Variants in KALRN observed in about 807,000 individuals in gnomAD.
KALRN encodes the protein kalirin RhoGEF kinase, also known as kalirin.
A neutral mutation model predicts 353.7 loss-of-function variants in KALRN; 70 were observed. The ratio of observed to expected loss-of-function variants is 0.20; its 90% CI spans 0.16 to 0.24. The LOEUF is 0.24. Ranked by LOEUF, KALRN falls within the 10% of genes least tolerant of loss-of-function variation. The pLI, the probability that KALRN is intolerant of heterozygous loss-of-function variation, is 1.00. For missense variants in KALRN, 2,791 were observed against 3,756.7 expected, an observed-to-expected ratio of 0.74 and a Z score of 6.72; for synonymous variants, 1,391 against 1,434.8, an observed-to-expected ratio of 0.97 and a Z score of 0.69.
chr3:124,292,874 A>T (rs760460038), intron 5 of KALRN, among the ~76,000 whole-genome samples: 6 of 152,126 alleles, frequency 3.9e-5, no homozygotes, highest in Non-Finnish European at 8.8e-5. Flanking sequence ...TTTTATTTGA[A>T]TCTCCCTGAT....
chr3:124,395,078 C>G (rs2089981299), intron 11 of KALRN, 57 bp from the exon 12 acceptor site: 2 of 1,437,166 alleles, frequency 1.4e-6, no homozygotes, highest in African/African-American at 1.4e-5. Context: ...CTTGCCCTCA[C>G]CCCAGCCCTG....
At chr3:124,104,772 G>C (rs568655813) in intron 1 of KALRN, among the ~76,000 whole-genome samples, 11 of 152,166 alleles carry the variant, frequency 7.2e-5, no homozygotes, top group Non-Finnish European at 1.6e-4. Flanking sequence ...GGACAGAACA[G>C]CTAATTGCCT....
At chr3:124,660,163 C>G (rs372886155) in intron 43 of KALRN, among the ~76,000 whole-genome samples, 2 of 152,018 alleles carry the variant, frequency 1.3e-5, no homozygotes, top group East Asian at 3.9e-4. Flanking sequence ...AAACTCCTGG[C>G]CTCAAGCAGC....
At chr3:124,345,708 A>C (rs2082193096) in intron 9 of KALRN, among the ~76,000 whole-genome samples, 1 of 152,162 alleles carries the variant, frequency 6.6e-6, no homozygotes, top group African/African-American at 2.4e-5. Context: ...GTCTTCATTA[A>C]GTGGATATTT....
intron 1 of KALRN, among the ~76,000 whole-genome samples, chr3:124,140,131 G>A (rs559797473): frequency 2.6e-5 from 4 of 152,186 alleles, no homozygotes; most frequent in East Asian, 1.9e-4. Flanking sequence ...CCGGTCAATC[G>A]TTGACTAACT....
intron 34 of KALRN, among the ~76,000 whole-genome samples, chr3:124,563,359 T>G (rs1332305535): frequency 6.6e-6 from 1 of 152,178 alleles, no homozygotes; most frequent in Non-Finnish European, 1.5e-5. Context: ...ACCTCCAAGA[T>G]CTCTTCCAGT....
At chr3:124,039,778 CT>C (rs112207208) in intron 1 of KALRN, among the ~76,000 whole-genome samples, 180 of 146,776 alleles carry the variant, frequency 1.2e-3, no homozygotes, top group African/African-American at 3.6e-3. Flanking sequence ...GAAAACATCT[CT>C]TTTTTTTTTT....
chr3:124,349,021 C>G (rs1264638733), intron 10 of KALRN, among the ~76,000 whole-genome samples: 1 of 152,064 alleles, frequency 6.6e-6, no homozygotes, highest in African/African-American at 2.4e-5. Context: ...GCCCAGCTGT[C>G]AAACAGATAT....
intron 1 of KALRN, among the ~76,000 whole-genome samples, chr3:124,220,951 C>T (rs922078065): frequency 6.6e-6 from 1 of 152,226 alleles, no homozygotes; most frequent in Non-Finnish European, 1.5e-5. Flanking sequence ...TGTTCAGGAG[C>T]CACAGCCTTC....
At chr3:124,421,912 C>A (rs1393053284) in intron 14 of KALRN, among the ~76,000 whole-genome samples, 1 of 152,204 alleles carries the variant, frequency 6.6e-6, no homozygotes, top group African/African-American at 2.4e-5. Context: ...AGGAATGGGG[C>A]AACAGCTTCT....
intron 3 of KALRN, among the ~76,000 whole-genome samples, chr3:124,242,619 G>A (rs768335703): frequency 6.6e-6 from 1 of 152,190 alleles, no homozygotes; most frequent in Non-Finnish European, 1.5e-5. Context: ...ATCTAACAAT[G>A]GTGGGCAGGG....
chr3:124,222,786 G>A (rs1002760384), intron 1 of KALRN, among the ~76,000 whole-genome samples: 1 of 152,010 alleles, frequency 6.6e-6, no homozygotes, highest in African/African-American at 2.4e-5. Context: ...TGTATTTTTT[G>A]TATAGATAGG....
intron 42 of KALRN, among the ~76,000 whole-genome samples, chr3:124,658,801 A>C (rs933859053): frequency 6.6e-6 from 1 of 152,190 alleles, no homozygotes; most frequent in African/African-American, 2.4e-5. Context: ...GAGAAGCTCC[A>C]GTTCTTCTTA....
intron 5 of KALRN, among the ~76,000 whole-genome samples, chr3:124,291,439 C>A (rs764024578): frequency 5.9e-5 from 9 of 152,070 alleles, no homozygotes; most frequent in Non-Finnish European, 1.2e-4. Flanking sequence ...CATCTTTTAT[C>A]TGTTTTCAGG....
intron 33 of KALRN, among the ~76,000 whole-genome samples, chr3:124,550,943 C>G (rs1158485247): frequency 6.6e-6 from 1 of 152,002 alleles, no homozygotes; most frequent in African/African-American, 2.4e-5. Flanking sequence ...GAGCCGAGAT[C>G]GCACCACTGC....
chr3:124,253,358 G>T (rs919463728), intron 3 of KALRN, among the ~76,000 whole-genome samples: 1 of 152,220 alleles, frequency 6.6e-6, no homozygotes, highest in African/African-American at 2.4e-5. Context: ...GGGTAGACAT[G>T]GGTGCAGCAC....
chr3:124,573,204 A>G (rs980607646), intron 34 of KALRN, among the ~76,000 whole-genome samples: 1 of 152,204 alleles, frequency 6.6e-6, no homozygotes, highest in Non-Finnish European at 1.5e-5. Flanking sequence ...TCATTGCTGC[A>G]GTGAGCTATG....
At chr3:124,222,572 G>A (rs1234120258) in intron 1 of KALRN, among the ~76,000 whole-genome samples, 1 of 152,154 alleles carries the variant, frequency 6.6e-6, no homozygotes, top group East Asian at 1.9e-4. Context: ...AAAGTGTAAT[G>A]TGCGTATGGA....
intron 1 of KALRN, among the ~76,000 whole-genome samples, chr3:124,120,940 C>A (rs987780459): frequency 7.3e-5 from 11 of 149,988 alleles, no homozygotes; most frequent in African/African-American, 2.7e-4. Context: ...AAAAAAAATA[C>A]AAAAATTAGC....
Sources: allele counts gnomAD v4.1 joint callset (sites outside exome capture counted in the v4.1 genomes callset), GRCh38; gene constraint gnomAD v4.1.1; transcripts MANE v1.5; gene names NCBI Gene and HGNC (gene_info 2026-07-23, HGNC 2026-07-21).